The following PRDM10 variants were observed in gnomAD, a reference collection of about 807,000 sequenced individuals.
The protein encoded by PRDM10 is PR/SET domain 10.
A neutral mutation model predicts 133.1 loss-of-function variants in PRDM10; 65 were observed. The observed-to-expected ratio is 0.49, with a 90% CI of 0.40 to 0.60. The LOEUF (loss-of-function observed/expected upper bound fraction) is 0.60. PRDM10 is among the 20% of genes least tolerant of loss of function. The probability of loss-of-function intolerance (pLI) is 0.00; values close to 1 mark genes in which losing one functional copy is unlikely to be tolerated. For missense variants in PRDM10, 1,137 were observed against 1,507.1 expected (o/e 0.75, Z 4.07); for synonymous variants, 582 against 580.4 (o/e 1.00, Z -0.04).
chr11:129,983,950 A>T (rs892806652), intron 1 of PRDM10, among the ~76,000 whole-genome samples: 48 of 151,984 alleles, frequency 3.2e-4, no homozygotes, highest in African/African-American at 1.1e-3. Context: ...ATGCTGCCGG[A>T]TCTCCCTTCA....
Position 129,934,725 on chromosome 11 carries a change from T to C in PRDM10, c.1157+376A>G, listed in dbSNP as rs140244014. Among the ~76,000 whole-genome samples the C allele has an allele frequency of 2.8e-3, 424 of 152,322 alleles. 4 individuals are homozygous for C. Among genetic ancestry groups the C allele is most frequent in the African/African-American group, 9.8e-3 (406 of 41,564 alleles). ...TCTCCCCTCATCTGTCTTTTTTATA[T>C]AGTGGAATTAAACATATGACTTGGT... On this transcript the variant is annotated intron_variant, in intron 9 of 20. Transcript: ENST00000360871.
At chr11:129,917,318 C>A in intron 14 of PRDM10, 81 bp from the exon 15 acceptor site, 1 of 1,036,914 alleles carries the variant, frequency 9.6e-7, no homozygotes. Flanking sequence ...CTGATAATGA[C>A]CGCCAGAAGC....
chr11:129,937,418 G>T (rs1437465156), intron 8 of PRDM10, among the ~76,000 whole-genome samples, 180 bp downstream of exon 8: 1 of 152,082 alleles, frequency 6.6e-6, no homozygotes, highest in Non-Finnish European at 1.5e-5. Context: ...ACACATGAAA[G>T]AAATGTAAAT....
chr11:129,914,682 G>A, intron 17 of PRDM10, 22 bp downstream of exon 17: 1 of 1,614,068 alleles, frequency 6.2e-7, no homozygotes, highest in Non-Finnish European at 8.5e-7. Context: ...ATAAGGCAAA[G>A]GGAAACCAAG....
rs1555113162 is a variant in PRDM10, at chr11:129,977,297, C to CAT, written c.-118-16216_-118-16215insAT. Among the ~76,000 whole-genome samples the CAT allele has an allele frequency of 7.0e-4, 103 of 147,656 alleles. 4 individuals are homozygous for CAT. Among genetic ancestry groups the CAT allele is most frequent in the Admixed American group, 6.5e-3 (96 of 14,802 alleles). On this transcript the variant is annotated intron_variant, in intron 1 of 20. Transcript: ENST00000360871. ...ACACACACACACACACACACACACA[C>CAT]ACATTGAGATGCAGTCTCACTCTGT...
chr11:129,940,559 ATTT>A (rs1005735603), intron 7 of PRDM10, among the ~76,000 whole-genome samples: 1 of 152,148 alleles, frequency 6.6e-6, no homozygotes, highest in Non-Finnish European at 1.5e-5. Flanking sequence ...ATGTTGAAAA[ATTT>A]TTTTAACTTT....
intron 1 of PRDM10, among the ~76,000 whole-genome samples, chr11:129,999,306 T>C (rs531275982): frequency 2.0e-5 from 3 of 152,330 alleles, no homozygotes; most frequent in East Asian, 1.9e-4. Flanking sequence ...CCAGGAGAAT[T>C]TGAGTGGGAT....
chr11:130,000,642 T>C (rs1939301241), intron 1 of PRDM10, among the ~76,000 whole-genome samples: 1 of 152,178 alleles, frequency 6.6e-6, no homozygotes, highest in Non-Finnish European at 1.5e-5. Flanking sequence ...AGCAAAACAA[T>C]TTTGCCTTGC....
intron 7 of PRDM10, among the ~76,000 whole-genome samples, chr11:129,940,096 A>G (rs1408420544): frequency 1.3e-5 from 2 of 152,268 alleles, no homozygotes; most frequent in African/African-American, 4.8e-5. Context: ...AAAGTGGTTT[A>G]TACCTCAACC....
At chr11:129,915,963 T>G (rs1490546178) in intron 15 of PRDM10, 103 bp from the exon 16 acceptor site, 3 of 1,107,784 alleles carry the variant, frequency 2.7e-6, no homozygotes, top group Admixed American at 2.8e-5. Flanking sequence ...AAAGTATTCA[T>G]GTAGCCCCAA....
At chr11:129,981,888 T>C (rs1233337377) in intron 1 of PRDM10, among the ~76,000 whole-genome samples, 1 of 151,688 alleles carries the variant, frequency 6.6e-6, no homozygotes, top group Non-Finnish European at 1.5e-5. Context: ...AAAAGCTAAA[T>C]TCCATCTCAA....
At chr11:129,915,585 T>A (rs1392770867) in intron 16 of PRDM10, 75 bp downstream of exon 16, 1 of 1,467,232 alleles carries the variant, frequency 6.8e-7, no homozygotes, top group East Asian at 2.3e-5. Context: ...GCCATGTGGA[T>A]GAGAAGCCAC....
chr11:129,952,523 G>A (rs1407810645), intron 4 of PRDM10, among the ~76,000 whole-genome samples: 1 of 151,962 alleles, frequency 6.6e-6, no homozygotes, highest in African/African-American at 2.4e-5. Context: ...TCAATTCATG[G>A]CCAATCAACA....
intron 1 of PRDM10, among the ~76,000 whole-genome samples, chr11:129,991,162 G>A (rs1310054944): frequency 6.6e-6 from 1 of 152,178 alleles, no homozygotes; most frequent in African/African-American, 2.4e-5. Context: ...TAATGCAAAT[G>A]TTAATAATTA....
intron 1 of PRDM10, among the ~76,000 whole-genome samples, chr11:129,978,544 G>A (rs1223191149): frequency 6.6e-6 from 1 of 152,202 alleles, no homozygotes; most frequent in African/African-American, 2.4e-5. Flanking sequence ...AACCAACCGG[G>A]TGAGAAAACA....
Position 129,925,124 on chromosome 11 carries a change from G to C in PRDM10, c.1636C>G (p.Arg546Gly), listed in dbSNP as rs777711002. 6.2e-7 allele frequency: 1 copy of C among 1,614,214 alleles called. No individual in the cohort carries two copies. Among genetic ancestry groups the C allele is most frequent in the Non-Finnish European group, 8.5e-7 (1 of 1,180,042 alleles). Residue 546 changes from arginine to glycine, a missense_variant, in exon 12 of 21, where the codon CGC becomes GGC. Around this residue, in one of 6 missense-constraint regions of PRDM10, gnomAD observed 635 missense variants for 835.2 expected, o/e 0.76. Coordinates refer to ENST00000360871, the MANE Select transcript of PRDM10 (RefSeq NM_199437.2). ...CAGTTCCCCTCCCGCCCATGGAAGC[G>C]TAAGTGCTGGTCCAGTTTGTCCTTT... ...REKDKLDQHL[R>G]FHGREGNCPL...
chr11:129,958,165 C>T (rs960766228), intron 2 of PRDM10, among the ~76,000 whole-genome samples: 2 of 152,154 alleles, frequency 1.3e-5, no homozygotes, highest in African/African-American at 2.4e-5. Flanking sequence ...GTAATAAGGG[C>T]GTGGTTAATT....
intron 1 of PRDM10, among the ~76,000 whole-genome samples, chr11:129,995,680 G>A (rs116286656): frequency 0.013 from 1,948 of 151,948 alleles, 43 homozygotes; most frequent in African/African-American, 0.044. Flanking sequence ...GGGCCGTAGC[G>A]CACGCCTGTA....
At chr11:129,903,325 A>AATAATAATAATAATAATAATG (rs1949902982) in intron 20 of PRDM10, among the ~76,000 whole-genome samples, 1 of 145,184 alleles carries the variant, frequency 6.9e-6, no homozygotes, top group South Asian at 2.1e-4. Flanking sequence ...TAATAATAAT[A>AATAATAATAATAATAATAATG]ATAATAATAA....
Sources: gnomAD v4.1 joint callset for allele counts (sites outside exome capture counted in the v4.1 genomes callset) on GRCh38, gnomAD v4.1.1 for gene constraint, gnomAD v4.1.1 regional missense constraint, MANE v1.5 for transcripts, NCBI Gene and HGNC (gene_info 2026-07-23, HGNC 2026-07-21) for gene names.